Variants in PPP1R36 observed in about 807,000 individuals in gnomAD.
PPP1R36 encodes the protein protein phosphatase 1 regulatory subunit 36.
Under a neutral mutation model 53.4 loss-of-function variants are expected in PPP1R36, and 47 were observed. The ratio of observed to expected loss-of-function variants is 0.88; its 90% CI spans 0.70 to 1.12. The LOEUF (loss-of-function observed/expected upper bound fraction) is 1.12, where lower values mean the gene tolerates loss of function less well. Ranked by LOEUF, PPP1R36 falls within the 50% of genes most tolerant of loss-of-function variation. The pLI is 0.00. For synonymous variants in PPP1R36, 153 were observed against 170.5 expected, an observed-to-expected ratio of 0.90 and a Z score of 0.80; for missense variants, 456 against 513.9, an observed-to-expected ratio of 0.89 and a Z score of 1.09.
intron 8 of PPP1R36, 88 bp from the exon 9 acceptor site, chr14:64,586,749 G>T: frequency 1.2e-6 from 1 of 854,610 alleles, no homozygotes; most frequent in South Asian, 1.7e-5. Context: ...CCAAGATAAT[G>T]ACCCTAACTT....
At chr14:64,560,386 G>GACCATGATGGCACCACTGCACTCC (rs2080196934) in intron 3 of PPP1R36, among the ~76,000 whole-genome samples, 1 of 148,302 alleles carries the variant, frequency 6.7e-6, no homozygotes, top group Non-Finnish European at 1.5e-5. Flanking sequence ...AGGCTGTAGT[G>GACCATGATGGCACCACTGCACTCC]ACCATGATGG....
At position 64,552,871 on chromosome 14, in the gene PPP1R36, A is replaced by T. The variant is rs779530660; in HGVS notation, c.182+10A>T. 6.2e-6 allele frequency: 10 copies of T among 1,610,198 alleles called. No individual in the cohort carries two copies. The South Asian group carries it at 1.1e-4, about 18-fold the overall frequency. On this transcript the variant is annotated intron_variant, in intron 3 of 11. Coordinates refer to ENST00000298705, the MANE Select transcript of PPP1R36 (RefSeq NM_172365.3). ...TGAAACATCACCCTCAGTGAGTGTG[A>T]GACAGACAGTGAGATAGCTTTGGGA...
At chr14:64,581,933 G>A (rs1048080313) in intron 8 of PPP1R36, among the ~76,000 whole-genome samples, 20 of 152,106 alleles carry the variant, frequency 1.3e-4, no homozygotes, top group African/African-American at 4.8e-4. Context: ...TTGGTGGCAG[G>A]CACATGCCAT....
intron 8 of PPP1R36, among the ~76,000 whole-genome samples, chr14:64,584,547 G>A (rs1260043530): frequency 6.6e-6 from 1 of 152,164 alleles, no homozygotes; most frequent in African/African-American, 2.4e-5. Context: ...GAAATGCTGA[G>A]GCTTGCTCTG....
intron 8 of PPP1R36, among the ~76,000 whole-genome samples, chr14:64,575,496 T>G (rs1280938077): frequency 1.3e-5 from 2 of 152,210 alleles, no homozygotes; most frequent in African/African-American, 4.8e-5. Context: ...ATTTTAGTTT[T>G]TGTGTGTTAT....
chr14:64,587,958 G>A lies in PPP1R36; in HGVS notation c.891-146G>A, dbSNP rs2140253934. On this transcript the variant is annotated intron_variant, in intron 10 of 11. Coordinates refer to ENST00000298705, the MANE Select transcript of PPP1R36 (RefSeq NM_172365.3). ...GGGGTCTTGCTATGTTGCCCAGGCT[G>A]GTCTCGAACTCCTGGGCTCAAGTGA... 3 of 717,424 alleles carry A rather than the reference G, an allele frequency of 4.2e-6. No homozygotes were observed. In the South Asian group the frequency reaches 6.7e-5, roughly 16 times the overall value. 44.4% of individuals were successfully genotyped at this position (717,424 alleles called of 1,614,324 possible).
chr14:64,559,263 C>G (rs1156939150), intron 3 of PPP1R36: 1 of 152,174 alleles, frequency 6.6e-6, no homozygotes, highest in African/African-American at 2.4e-5. Flanking sequence ...GAAAAGAAAC[C>G]AGACCCTTCC....
chr14:64,555,585 A>ATTTAAT (rs1345574250), intron 3 of PPP1R36, among the ~76,000 whole-genome samples: 5 of 152,314 alleles, frequency 3.3e-5, no homozygotes, highest in African/African-American at 1.2e-4. Context: ...ATCAGTGAGT[A>ATTTAAT]CCTGTAGTCC....
chr14:64,579,833 G>A (rs1303008828), intron 8 of PPP1R36, among the ~76,000 whole-genome samples: 1 of 152,130 alleles, frequency 6.6e-6, no homozygotes, highest in Non-Finnish European at 1.5e-5. Context: ...AGCCGGGCGT[G>A]GTGGCGGGCG....
At chr14:64,558,050 G>T (rs1016605140) in intron 3 of PPP1R36, among the ~76,000 whole-genome samples, 8 of 152,250 alleles carry the variant, frequency 5.3e-5, no homozygotes, top group African/African-American at 1.9e-4. Context: ...GATACAGATA[G>T]GCCTCAGGGG....
intron 10 of PPP1R36, 64 bp from the exon 11 acceptor site, chr14:64,588,039 TG>T: frequency 6.8e-7 from 1 of 1,460,244 alleles, no homozygotes; most frequent in Non-Finnish European, 9.3e-7. Flanking sequence ...CCACTGCACC[TG>T]GCCTCAAGAA....
intron 8 of PPP1R36, among the ~76,000 whole-genome samples, chr14:64,580,051 GC>G (rs1278708666): frequency 6.6e-6 from 1 of 152,204 alleles, no homozygotes; most frequent in African/African-American, 2.4e-5. Context: ...TGTAATCCCA[GC>G]ACTTTGGGAG....
intron 8 of PPP1R36, among the ~76,000 whole-genome samples, chr14:64,581,575 G>C (rs2080390304): frequency 7.0e-6 from 1 of 142,980 alleles, no homozygotes; most frequent in South Asian, 2.2e-4. Flanking sequence ...CTAGCTAGGT[G>C]CCTGGAATTT....
chr14:64,551,592 A>T (rs1566646550), intron 2 of PPP1R36: 2 of 456,282 alleles, frequency 4.4e-6, no homozygotes, highest in Non-Finnish European at 8.8e-6. Context: ...CCAATTCTTA[A>T]AACAACTGTG....
chr14:64,556,908 G>C (rs1194572251), intron 3 of PPP1R36, among the ~76,000 whole-genome samples: 2 of 151,844 alleles, frequency 1.3e-5, no homozygotes, highest in Admixed American at 6.6e-5. Flanking sequence ...TTGACCTCCT[G>C]GGCTTAAGCG....
intron 8 of PPP1R36, among the ~76,000 whole-genome samples, chr14:64,579,956 C>T (rs556154954): frequency 1.3e-5 from 2 of 151,084 alleles, no homozygotes; most frequent in African/African-American, 2.4e-5. Context: ...GGCGACAGAG[C>T]GAGACTCCGT....
chr14:64,572,862 G>C (rs2080313878), intron 7 of PPP1R36, among the ~76,000 whole-genome samples: 1 of 152,232 alleles, frequency 6.6e-6, no homozygotes, highest in Admixed American at 6.5e-5. Context: ...AGGGTGACCA[G>C]TGAGGGTGGA....
At chr14:64,577,436 A>G (rs1441171002) in intron 8 of PPP1R36, among the ~76,000 whole-genome samples, 4 of 151,310 alleles carry the variant, frequency 2.6e-5, no homozygotes, top group African/African-American at 7.3e-5. Flanking sequence ...CAGCTTGAGG[A>G]CTCCCCTTTG....
At chr14:64,555,986 A>G (rs1173722713) in intron 3 of PPP1R36, among the ~76,000 whole-genome samples, 1 of 152,182 alleles carries the variant, frequency 6.6e-6, no homozygotes, top group Non-Finnish European at 1.5e-5. Flanking sequence ...AGATTCCACC[A>G]CAGTTGTATA....
Sources: allele counts gnomAD v4.1 joint callset (sites outside exome capture counted in the v4.1 genomes callset), GRCh38; gene constraint gnomAD v4.1.1; transcripts MANE v1.5; gene names NCBI Gene and HGNC (gene_info 2026-07-23, HGNC 2026-07-21).